The following DEPDC5 variants were observed in gnomAD, a reference collection of about 807,000 sequenced individuals.
DEPDC5 encodes the protein GATOR1 complex protein DEPDC5.
A neutral mutation model predicts 217.3 loss-of-function variants in DEPDC5; 73 were observed. The observed-to-expected ratio is 0.34, with a 90% confidence interval of 0.28 to 0.41. The LOEUF (loss-of-function observed/expected upper bound fraction) is 0.41. Among genes scored for constraint, DEPDC5 ranks in the 10% least tolerant of loss-of-function variants. DEPDC5 has a pLI of 1.00. For missense variants in DEPDC5, 1,675 were observed against 2,070.1 expected, an observed-to-expected ratio of 0.81 and a Z score of 3.70; for synonymous variants, 733 against 756.7, an observed-to-expected ratio of 0.97 and a Z score of 0.51.
At chr22:31,820,323 G>A (rs2089563388) in intron 22 of DEPDC5, among the ~76,000 whole-genome samples, 1 of 152,108 alleles carries the variant, frequency 6.6e-6, no homozygotes, top group Non-Finnish European at 1.5e-5. Context: ...TGTTGGTCAG[G>A]CTGGTCTCAA....
rs8135453 is a variant in DEPDC5 at position 31,839,409 on chromosome 22, C to T, written c.2515+564C>T. Among the ~76,000 whole-genome samples the T allele has an allele frequency of 6.9e-3, 1,050 of 152,102 alleles. 11 individuals carry two copies. The highest frequency in any genetic ancestry group is 0.011 in the Non-Finnish European group (719 of 67,950). On this transcript the variant is annotated intron_variant, in intron 27 of 42. Coordinates refer to ENST00000651528, the MANE Select transcript of DEPDC5 (RefSeq NM_001242896.3). ...AATGGAGAGCTCCTCTAAAATAAGT[C>T]TAACAGAGGGAATTAAGTGCAGGTG... is the stretch of plus-strand genomic sequence containing the variant.
In DEPDC5 at chr22:31,833,968, T is replaced by A. The variant is rs1254847378; in HGVS notation, c.2158T>A (p.Ser720Thr). The part of the protein sequence containing the change: ...KDSLEDSVST[S>T]PDPILTLSAP... ...TTCTCTAGAGGACAGTGTTTCTACC[T>A]CTCCAGACCCAAGTAAGAGGGGGCA... is the stretch of plus-strand genomic sequence containing the variant. Residue 720 changes from serine to threonine, a missense_variant, in exon 25 of 43, where the codon TCT becomes ACT. Ser to Thr is a moderately conservative substitution (Grantham distance 58). This residue lies in a region of DEPDC5 where 136 missense variants were observed against 132.2 expected (regional missense o/e 1.03). Coordinates refer to ENST00000651528, the MANE Select transcript of DEPDC5 (RefSeq NM_001242896.3). 1 of 1,613,210 alleles carries A rather than the reference T, an allele frequency of 6.2e-7. No homozygotes were observed. The highest frequency in any genetic ancestry group is 1.7e-5 in the Admixed American group (1 of 59,944).
intron 38 of DEPDC5, among the ~76,000 whole-genome samples, chr22:31,883,062 G>A (rs1415050764): frequency 6.6e-6 from 1 of 152,152 alleles, no homozygotes; most frequent in African/African-American, 2.4e-5. Flanking sequence ...ATTCTTTCTT[G>A]TGGGGAAGTG....
intron 18 of DEPDC5, among the ~76,000 whole-genome samples, chr22:31,808,535 C>T (rs1198331588): frequency 2.0e-5 from 3 of 151,994 alleles, no homozygotes; most frequent in Non-Finnish European, 4.4e-5. Flanking sequence ...CCTGGGTTCA[C>T]GTGATTCTCC....
At position 31,861,132 on chromosome 22, in the gene DEPDC5, C is replaced by T. The variant is rs867445534; in HGVS notation, c.3265-236C>T. On this transcript the variant is annotated intron_variant, in intron 32 of 42. Transcript: ENST00000651528. The stretch of plus-strand genomic sequence containing the variant: ...AAGGTGTGAGTTTCTGCTAATGCTT[C>T]GCATTTGGATATTGTCTTTCTGGGT... Among the ~76,000 whole-genome samples the T allele has an allele frequency of 4.6e-5, 7 of 151,188 alleles. No individual in the cohort carries two copies. In the South Asian group the frequency reaches 1.5e-3, roughly 32 times the overall value.
intron 10 of DEPDC5, among the ~76,000 whole-genome samples, chr22:31,789,705 G>T (rs1197735406): frequency 6.6e-6 from 1 of 151,734 alleles, no homozygotes; most frequent in Non-Finnish European, 1.5e-5. Context: ...ACATTATGTA[G>T]TGTAAAAGAG....
intron 10 of DEPDC5, among the ~76,000 whole-genome samples, chr22:31,791,741 A>T (rs765939060): frequency 1.1e-4 from 17 of 151,828 alleles, no homozygotes; most frequent in African/African-American, 4.1e-4. Context: ...ATCTTGGCCA[A>T]CATGGTGAAA....
chr22:31,897,378 C>A, intron 39 of DEPDC5, 104 bp from the exon 40 acceptor site: 1 of 1,388,040 alleles, frequency 7.2e-7, no homozygotes, highest in Non-Finnish European at 9.8e-7. Flanking sequence ...GCATGCAAAT[C>A]AATATGCATG....
At chr22:31,844,991 C>T (rs756032506) in intron 29 of DEPDC5, 27 bp from the exon 30 acceptor site, 64 of 1,611,808 alleles carry the variant, frequency 4.0e-5, no homozygotes, top group South Asian at 2.2e-4. Context: ...CTCTCACCAC[C>T]ACCCTGTGTT....
chr22:31,814,745 G>A (rs1304895673), intron 20 of DEPDC5: 9 of 532,022 alleles, frequency 1.7e-5, no homozygotes, highest in Non-Finnish European at 2.7e-5. Flanking sequence ...GCCTGGAGCA[G>A]TCCTTTCTTT....
intron 24 of DEPDC5, 57 bp from the exon 25 acceptor site, chr22:31,833,858 C>T (rs1430255284): frequency 7.0e-7 from 1 of 1,418,860 alleles, no homozygotes. Context: ...CATAACTGGT[C>T]AGAACTCTTT....
chr22:31,823,346 A>C (rs1168665098), intron 24 of DEPDC5, among the ~76,000 whole-genome samples: 4 of 151,910 alleles, frequency 2.6e-5, no homozygotes, highest in African/African-American at 4.8e-5. Context: ...CCTGGCCAAC[A>C]TGGTAAAACC....
chr22:31,875,287 A>G (rs1189861452), intron 36 of DEPDC5: 2 of 166,784 alleles, frequency 1.2e-5, no homozygotes, highest in African/African-American at 2.4e-5. Flanking sequence ...ATGAAATGCT[A>G]CTACAGCAGT....
rs763285231 is a variant in DEPDC5 at position 31,906,362 on chromosome 22, C to T, written c.4677C>T (p.Arg1559=). ...ACACCATGCTCACCAAAACATGGCG[C>T]TCCAGCGCCACAGGGGATGAAAAGT... ...AYNTMLTKTW[R]SSATGDEKFA... is the part of the protein sequence containing the mutation. The change falls in exon 43 of 43, where the codon CGC becomes CGT. Residue 1559 remains arginine, a synonymous_variant. Coordinates refer to ENST00000651528, the MANE Select transcript of DEPDC5 (RefSeq NM_001242896.3). The surrounding 1 kb of genome is among the most constrained non-coding windows in gnomAD (Gnocchi z 5.1). 12 of 1,614,096 alleles carry T rather than the reference C, an allele frequency of 7.4e-6. No homozygotes were observed. The highest frequency in any genetic ancestry group is 1.7e-5 in the Admixed American group (1 of 60,036).
intron 33 of DEPDC5, among the ~76,000 whole-genome samples, chr22:31,868,412 T>C (rs1837080812): frequency 6.6e-6 from 1 of 152,076 alleles, no homozygotes; most frequent in South Asian, 2.1e-4. Flanking sequence ...AGAAGCCTTG[T>C]TTTATTTTCT....
At chr22:31,788,264 A>ATTTTT (rs75378797) in intron 10 of DEPDC5, among the ~76,000 whole-genome samples, 5 of 90,698 alleles carry the variant, frequency 5.5e-5, no homozygotes, top group Non-Finnish European at 8.3e-5. Flanking sequence ...GGATGACTGT[A>ATTTTT]TTTTTTTTTT....
At chr22:31,896,958 A>T (rs565635497) in intron 39 of DEPDC5, among the ~76,000 whole-genome samples, 1 of 152,296 alleles carries the variant, frequency 6.6e-6, no homozygotes, top group East Asian at 1.9e-4. Context: ...CTCTACTAAA[A>T]ATACAAAAAT....
chr22:31,887,763 A>C (rs948794054), intron 38 of DEPDC5, among the ~76,000 whole-genome samples: 8 of 152,160 alleles, frequency 5.3e-5, no homozygotes, highest in Admixed American at 1.3e-4. Context: ...ATCCAATAAC[A>C]GCTCTCAGCC....
intron 31 of DEPDC5, chr22:31,852,832 G>A (rs959246839): frequency 3.9e-5 from 6 of 152,158 alleles, no homozygotes; most frequent in Non-Finnish European, 7.4e-5. Context: ...TGGTTTTTTC[G>A]GAGATGAGCT....
Sources: gnomAD v4.1 joint callset for allele counts (sites outside exome capture counted in the v4.1 genomes callset) on GRCh38, gnomAD v4.1.1 for gene constraint, gnomAD v4.1.1 regional missense constraint, Gnocchi (gnomAD v3.1) non-coding constraint, MANE v1.5 for transcripts, NCBI Gene and HGNC (gene_info 2026-07-23, HGNC 2026-07-21) for gene names.